BDKRB2: variants seen among roughly 807,000 people sequenced by gnomAD.
The protein encoded by BDKRB2 is B2 bradykinin receptor.
BDKRB2 carries 6 observed loss-of-function variants against 4.0 expected under a neutral mutation model. The ratio of observed to expected loss-of-function variants is 1.49; its 90% CI spans 0.81 to 2.93. The LOEUF (loss-of-function observed/expected upper bound fraction) is 2.93, where lower values mean the gene tolerates loss of function less well. Among genes scored for constraint, BDKRB2 ranks in the 30% most tolerant of loss-of-function variants. The pLI is 0.00. For missense variants in BDKRB2, 478 were observed against 520.1 expected, an observed-to-expected ratio of 0.92 and a Z score of 0.79; for synonymous variants, 225 against 215.3, an observed-to-expected ratio of 1.05 and a Z score of -0.40.
chr14:96,232,139 G>A (rs925584033), intron 1 of BDKRB2, among the ~76,000 whole-genome samples: 2 of 152,332 alleles, frequency 1.3e-5, no homozygotes, highest in Middle Eastern at 3.4e-3. Flanking sequence ...TCCTGGGCTG[G>A]TGCAGGAAGA....
At chr14:96,219,166 G>T (rs1778204275) in intron 1 of BDKRB2, among the ~76,000 whole-genome samples, 1 of 151,706 alleles carries the variant, frequency 6.6e-6, no homozygotes, top group Non-Finnish European at 1.5e-5. Flanking sequence ...GCAGGGCGTG[G>T]TAGCATGCTG....
chr14:96,226,021 C>T (rs1328687127), intron 1 of BDKRB2, among the ~76,000 whole-genome samples: 1 of 152,214 alleles, frequency 6.6e-6, no homozygotes, highest in African/African-American at 2.4e-5. Context: ...GGCTCACTTC[C>T]CAGCCTGAGC....
chr14:96,226,614 A>G (rs891545109), intron 1 of BDKRB2, among the ~76,000 whole-genome samples: 3 of 151,824 alleles, frequency 2.0e-5, no homozygotes, highest in African/African-American at 7.3e-5. Flanking sequence ...AGATCGTGCC[A>G]TTGCACTCCA....
At chr14:96,216,752 GA>G (rs1890433258) in intron 1 of BDKRB2, among the ~76,000 whole-genome samples, 1 of 94,810 alleles carries the variant, frequency 1.1e-5, no homozygotes, top group African/African-American at 4.7e-5. Flanking sequence ...GAGGAGGAAG[GA>G]GGAGGAGGAG....
chr14:96,208,400 C>T (rs925334841), intron 1 of BDKRB2, among the ~76,000 whole-genome samples: 11 of 152,164 alleles, frequency 7.2e-5, no homozygotes, highest in Non-Finnish European at 1.0e-4. Context: ...GCAGAAAGCA[C>T]GGTGGAACAA....
intron 1 of BDKRB2, among the ~76,000 whole-genome samples, chr14:96,221,705 A>C (rs1393448263): frequency 2.0e-5 from 3 of 152,056 alleles, no homozygotes; most frequent in Non-Finnish European, 4.4e-5. Flanking sequence ...CCTGGTGTTT[A>C]GAGCAGCAAG....
At chr14:96,224,110 A>G (rs1890640512) in intron 1 of BDKRB2, among the ~76,000 whole-genome samples, 1 of 151,292 alleles carries the variant, frequency 6.6e-6, no homozygotes, top group Admixed American at 6.6e-5. Context: ...AGATGAAATG[A>G]CAGACATGCA....
At chr14:96,240,049 C>T (rs567323171) in intron 2 of BDKRB2, 38 of 1,025,568 alleles carry the variant, frequency 3.7e-5, no homozygotes, top group South Asian at 2.8e-4. Context: ...GGGAGGGCCC[C>T]GGTTGATAAG....
At position 96,230,763 on chromosome 14, in the gene BDKRB2, C is replaced by T. The variant is rs142449763; in HGVS notation, c.-39-6306C>T. ...CCCCAAGTAGCTGGGATTATAGGCA[C>T]CCACCATCATGCCCAGCTAATTTTT... On this transcript the variant is annotated intron_variant, in intron 1 of 2. Coordinates refer to ENST00000554311, the MANE Select transcript of BDKRB2 (RefSeq NM_001379692.1). Among the ~76,000 whole-genome samples the T allele has an allele frequency of 3.1e-4, 47 of 152,210 alleles. 1 individual carries two copies. The highest frequency in any genetic ancestry group is 8.9e-4 in the African/African-American group (37 of 41,532).
intron 1 of BDKRB2, among the ~76,000 whole-genome samples, chr14:96,235,219 G>C (rs1595262571): frequency 6.6e-6 from 1 of 151,820 alleles, no homozygotes; most frequent in Non-Finnish European, 1.5e-5. Flanking sequence ...ATGGTGGCAG[G>C]CACCTGTGAT....
chr14:96,208,690 A>G (rs1443067524), intron 1 of BDKRB2, among the ~76,000 whole-genome samples: 5 of 152,178 alleles, frequency 3.3e-5, no homozygotes, highest in African/African-American at 1.2e-4. Flanking sequence ...GTGTCCAGAA[A>G]AAAGCCCTGT....
intron 1 of BDKRB2, among the ~76,000 whole-genome samples, chr14:96,227,539 A>G (rs564326483): frequency 6.6e-6 from 1 of 152,292 alleles, no homozygotes; most frequent in East Asian, 1.9e-4. Context: ...GCACACGTGT[A>G]CACACACGTG....
In BDKRB2 at chr14:96,243,911, C is replaced by G; in HGVS notation, c.*2407C>G. 2.8e-6 allele frequency: 1 copy of G among 352,470 alleles called. No individual in the cohort carries two copies. Among genetic ancestry groups the G allele is most frequent in the Non-Finnish European group, 5.1e-6 (1 of 198,010 alleles). The allele number at this position is 352,470 out of a possible 1,614,324, so 21.8% of individuals were successfully genotyped here. Reference sequence around the variant, plus strand: ...ATTCAGCACCAGAGCACGTGATGGTCTGAGACTCTCTTAGGAGCAGAGCTC... The same window carrying G: ...ATTCAGCACCAGAGCACGTGATGGTGTGAGACTCTCTTAGGAGCAGAGCTC... On this transcript the variant is annotated 3_prime_UTR_variant, in exon 3 of 3. Transcript: ENST00000554311.
chr14:96,226,488 C>T (rs963375686), intron 1 of BDKRB2, among the ~76,000 whole-genome samples: 2 of 152,154 alleles, frequency 1.3e-5, no homozygotes, highest in African/African-American at 4.8e-5. Flanking sequence ...ACCCCCGTCT[C>T]TACTAAAAAT....
intron 1 of BDKRB2, among the ~76,000 whole-genome samples, chr14:96,219,128 C>G (rs1387781045): frequency 1.3e-5 from 2 of 151,868 alleles, no homozygotes; most frequent in East Asian, 1.9e-4. Flanking sequence ...ATGGCAAGAC[C>G]CTGTCTCTAC....
At chr14:96,205,022 GCA>G in intron 1 of BDKRB2, 63 bp downstream of exon 1, 1 of 172,406 alleles carries the variant, frequency 5.8e-6, no homozygotes, top group Non-Finnish European at 1.3e-5. Context: ...AACTGTCCCA[GCA>G]CAGAGGGAGG....
chr14:96,240,333 C>T (rs1209177004), intron 2 of BDKRB2, 70 bp from the exon 3 acceptor site: 13 of 1,397,622 alleles, frequency 9.3e-6, no homozygotes, highest in African/African-American at 1.5e-5. Context: ...CCCCTGTCTC[C>T]TTCTGGACCA....
intron 1 of BDKRB2, among the ~76,000 whole-genome samples, chr14:96,212,173 A>T (rs1366639279): frequency 1.3e-5 from 2 of 152,212 alleles, no homozygotes; most frequent in Non-Finnish European, 2.9e-5. Context: ...TCTTTGCAAA[A>T]ATTTAAATAT....
At chr14:96,238,832 G>A in intron 2 of BDKRB2, 2 of 986,262 alleles carry the variant, frequency 2.0e-6, no homozygotes, top group Non-Finnish European at 2.4e-6. Context: ...GCTCCCTCCA[G>A]GGCACCCTCC....
Sources: gnomAD v4.1 joint callset for allele counts (sites outside exome capture counted in the v4.1 genomes callset) on GRCh38, gnomAD v4.1.1 for gene constraint, MANE v1.5 for transcripts, NCBI Gene and HGNC (gene_info 2026-07-23, HGNC 2026-07-21) for gene names.